The following COL19A1 variants were observed in gnomAD, a reference collection of about 807,000 sequenced individuals.
The protein encoded by COL19A1 is collagen alpha-1(XIX) chain.
A neutral mutation model predicts 190.2 loss-of-function variants in COL19A1; 159 were observed. That is an observed-to-expected ratio of 0.84 (90% CI 0.73 to 0.95). The LOEUF (loss-of-function observed/expected upper bound fraction) is 0.95. Among genes scored for constraint, COL19A1 ranks in the 40% least tolerant of loss-of-function variants. The probability of loss-of-function intolerance (pLI) is 0.00; values close to 1 mark genes in which losing one functional copy is unlikely to be tolerated. For missense variants in COL19A1, 1,418 were observed against 1,431.9 expected, an observed-to-expected ratio of 0.99 and a Z score of 0.16; for synonymous variants, 509 against 458.9, an observed-to-expected ratio of 1.11 and a Z score of -1.39.
rs1766399821 is a variant in COL19A1 at position 70,184,755 on chromosome 6, T to G, written c.2811+17T>G. Reference sequence around the variant, plus strand: ...GGTGCTCAGGTATGGGAAATATGATTTAAAATAAAAGTTATAATGCATACT... The same window carrying G: ...GGTGCTCAGGTATGGGAAATATGATGTAAAATAAAAGTTATAATGCATACT... On this transcript the variant is annotated intron_variant, in intron 45 of 50. Transcript: ENST00000620364. 1.2e-6 allele frequency: 2 copies of G among 1,603,632 alleles called. No homozygotes were observed. The highest frequency in any genetic ancestry group is 2.7e-5 in the African/African-American group (2 of 74,486).
chr6:70,117,848 T>C (rs1784669067), intron 16 of COL19A1, among the ~76,000 whole-genome samples: 1 of 152,228 alleles, frequency 6.6e-6, no homozygotes, highest in Non-Finnish European at 1.5e-5. Flanking sequence ...TGGGTCACTG[T>C]TATAAGCAAG....
chr6:69,941,574 C>A, intron 9 of COL19A1, among the ~76,000 whole-genome samples: 1 of 151,864 alleles, frequency 6.6e-6, no homozygotes, highest in East Asian at 1.9e-4. Context: ...AATAATTGAT[C>A]AATAGTTGAT....
At chr6:70,007,102 CTA>C (rs1399523769) in intron 11 of COL19A1, among the ~76,000 whole-genome samples, 1 of 151,842 alleles carries the variant, frequency 6.6e-6, no homozygotes, top group African/African-American at 2.4e-5. Flanking sequence ...AAATATTTTT[CTA>C]TGTTTTGTTC....
intron 27 of COL19A1, among the ~76,000 whole-genome samples, chr6:70,148,666 C>G (rs139690279): frequency 0.039 from 5,910 of 152,186 alleles, 155 homozygotes; most frequent in Non-Finnish European, 0.059. Context: ...GTGGCTCACA[C>G]CTGTAATCCC....
rs573538485 is a variant in COL19A1, at chr6:70,207,048, T to A, written c.3301+70T>A. On this transcript the variant is annotated intron_variant, in intron 50 of 50. Coordinates refer to ENST00000620364, the MANE Select transcript of COL19A1 (RefSeq NM_001858.6). Reference sequence around the variant, plus strand: ...TTAGAACCATGCTTCTCCCCTAGGGTCCTTATATGTCAAGTCGAGTGATCC... The same window carrying A: ...TTAGAACCATGCTTCTCCCCTAGGGACCTTATATGTCAAGTCGAGTGATCC... 194 of 1,602,580 alleles carry A rather than the reference T, an allele frequency of 1.2e-4. 4 individuals carry two copies. In the South Asian group the frequency reaches 2.0e-3, roughly 17 times the overall value.
At chr6:69,937,557 T>C (rs1178080569) in intron 8 of COL19A1, among the ~76,000 whole-genome samples, 5 of 152,104 alleles carry the variant, frequency 3.3e-5, no homozygotes. Context: ...CCAGTGCCCA[T>C]ACCTGAGGAA....
chr6:70,064,325 A>T (rs1781039383), intron 14 of COL19A1, among the ~76,000 whole-genome samples: 1 of 151,500 alleles, frequency 6.6e-6, no homozygotes, highest in Admixed American at 6.6e-5. Flanking sequence ...GGTTTAACAC[A>T]CACAAATCAT....
At chr6:70,061,680 G>A (rs1461568766) in intron 14 of COL19A1, among the ~76,000 whole-genome samples, 1 of 152,032 alleles carries the variant, frequency 6.6e-6, no homozygotes, top group African/African-American at 2.4e-5. Context: ...TCCCTGATGT[G>A]TATGTTTTAG....
intron 11 of COL19A1, among the ~76,000 whole-genome samples, chr6:69,978,523 A>C (rs1775854718): frequency 6.6e-6 from 1 of 152,046 alleles, no homozygotes; most frequent in South Asian, 2.1e-4. Flanking sequence ...ATGAAAAGGA[A>C]AATTCATAAA....
chr6:70,107,072 G>C (rs1199785530), intron 16 of COL19A1, among the ~76,000 whole-genome samples: 2 of 152,078 alleles, frequency 1.3e-5, no homozygotes, highest in South Asian at 4.2e-4. Flanking sequence ...TTTTATAATG[G>C]GGTAAATGAT....
intron 1 of COL19A1, chr6:69,867,572 G>A (rs888289293): frequency 2.0e-5 from 3 of 152,352 alleles, no homozygotes; most frequent in African/African-American, 4.8e-5. Context: ...GGGTCGCGAG[G>A]AAGTTTGTTG....
chr6:69,931,864 G>T (rs1286870971), intron 6 of COL19A1, among the ~76,000 whole-genome samples: 1 of 151,488 alleles, frequency 6.6e-6, no homozygotes, highest in African/African-American at 2.4e-5. Flanking sequence ...CCCCCTTTTT[G>T]CTTTTAAAGT....
chr6:70,071,467 T>C (rs571485315), intron 15 of COL19A1, among the ~76,000 whole-genome samples: 40 of 152,210 alleles, frequency 2.6e-4, no homozygotes, highest in Non-Finnish European at 5.9e-4. Flanking sequence ...TAAAAGCTAT[T>C]CTTAACAATG....
At chr6:69,982,715 G>A (rs1776103703) in intron 11 of COL19A1, among the ~76,000 whole-genome samples, 1 of 150,492 alleles carries the variant, frequency 6.6e-6, no homozygotes, top group Non-Finnish European at 1.5e-5. Context: ...GCTCACGCCT[G>A]TAATCCCAGC....
intron 14 of COL19A1, among the ~76,000 whole-genome samples, chr6:70,037,879 T>C (rs1322281328): frequency 6.6e-6 from 1 of 152,208 alleles, no homozygotes; most frequent in Non-Finnish European, 1.5e-5. Flanking sequence ...AATTTCATAC[T>C]TGTCTAAAAA....
rs866145622 is a variant in COL19A1 at position 69,921,418 on chromosome 6, C to G, written c.267-6491C>G. ...ATCATATATCATATATATCATATAT[C>G]ATATATATCATATATATCATATATA... On this transcript the variant is annotated intron_variant, in intron 4 of 50. Coordinates refer to ENST00000620364, the MANE Select transcript of COL19A1 (RefSeq NM_001858.6). 1.4e-3 allele frequency among the ~76,000 whole-genome samples: 130 copies of G among 93,668 alleles called. 3 individuals are homozygous for G. Among genetic ancestry groups the G allele is most frequent in the African/African-American group, 7.1e-3 (125 of 17,660 alleles). 61.4% of individuals were successfully genotyped at this position (93,668 alleles called of 152,430 possible). A position where few individuals can be genotyped will look rare whatever the true frequency, so the allele number is the denominator to read the frequency against.
chr6:69,890,996 CT>C (rs1225876532), intron 2 of COL19A1: 1 of 319,546 alleles, frequency 3.1e-6, no homozygotes, highest in African/African-American at 2.1e-5. Context: ...AGAGGCCTAT[CT>C]AAGGGTTCCT....
intron 15 of COL19A1, among the ~76,000 whole-genome samples, chr6:70,086,297 G>A (rs1782589832): frequency 6.6e-6 from 1 of 151,042 alleles, no homozygotes; most frequent in South Asian, 2.1e-4. Context: ...CACACACCAA[G>A]GATAAATCTT....
In COL19A1 at chr6:69,891,203, C is replaced by CGCAA. The variant is rs1554158949; in HGVS notation, c.92-7745_92-7744insGCAA. On this transcript the variant is annotated intron_variant, in intron 2 of 50. Coordinates refer to ENST00000620364, the MANE Select transcript of COL19A1 (RefSeq NM_001858.6). The stretch of plus-strand genomic sequence containing the variant: ...AGAGGGAGGCCAAACACCCAGCTAG[C>CGCAA]AAAAAAAAAAAAAAAAACTTTACCC... The CGCAA allele has an allele frequency of 1.0e-4, 11 of 105,218 alleles. 1 individual carries two copies. Among genetic ancestry groups the CGCAA allele is most frequent in the Non-Finnish European group, 1.9e-4 (9 of 46,232 alleles). The allele number at this position is 105,218 out of a possible 1,614,324, so 6.5% of individuals were successfully genotyped here.
Sources: allele counts gnomAD v4.1 joint callset (sites outside exome capture counted in the v4.1 genomes callset), GRCh38; gene constraint gnomAD v4.1.1; transcripts MANE v1.5; gene names NCBI Gene and HGNC (gene_info 2026-07-23, HGNC 2026-07-21).